CERS3: variants seen among roughly 807,000 people sequenced by gnomAD.
CERS3 encodes the protein ceramide synthase 3, also known as LAG1 homolog, ceramide synthase 3.
A neutral mutation model predicts 50.3 loss-of-function variants in CERS3; 33 were observed. That is an observed-to-expected ratio of 0.66 (90% confidence interval 0.50 to 0.88). The LOEUF (loss-of-function observed/expected upper bound fraction) is 0.88. Ranked by LOEUF, CERS3 falls within the 40% of genes least tolerant of loss-of-function variation. The pLI, the probability that CERS3 is intolerant of heterozygous loss-of-function variation, is 0.00. For missense variants in CERS3, 470 were observed against 460.3 expected, an observed-to-expected ratio of 1.02 and a Z score of -0.19; for synonymous variants, 176 against 155.2, an observed-to-expected ratio of 1.13 and a Z score of -0.99.
At chr15:100,528,704 C>CTCACCA (rs2036864004) in intron 1 of CERS3, 109 bp downstream of exon 1, 1 of 152,466 alleles carries the variant, frequency 6.6e-6, no homozygotes, top group African/African-American at 2.4e-5. Context: ...CTCTCCCTCT[C>CTCACCA]TGTTACGCAC....
intron 3 of CERS3, among the ~76,000 whole-genome samples, chr15:100,495,656 G>A (rs2035789151): frequency 6.6e-6 from 1 of 151,978 alleles, no homozygotes; most frequent in Non-Finnish European, 1.5e-5. Context: ...TGAGTTCTGA[G>A]TTATTTATAT....
At chr15:100,459,693 A>G (rs909351773) in intron 10 of CERS3, among the ~76,000 whole-genome samples, 2 of 152,232 alleles carry the variant, frequency 1.3e-5, no homozygotes, top group Non-Finnish European at 2.9e-5. Context: ...ATATAATGTT[A>G]CACTGCTTTC....
At chr15:100,469,268 C>CA (rs1219551742) in intron 10 of CERS3, 110 bp downstream of exon 10, 2 of 720,376 alleles carry the variant, frequency 2.8e-6, no homozygotes, top group Non-Finnish European at 4.8e-6. Flanking sequence ...GCACTTGACA[C>CA]AAATAACTGG....
Position 100,402,607 on chromosome 15 carries a change from T to C in CERS3, c.*106A>G, listed in dbSNP as rs1400355382. ...TCTTAGGTGGGAGGGAAGGCGGTGGTGAGAAAGAGGGAAGGGCAGAATGTG... is the reference window on the plus strand; with the variant it reads ...TCTTAGGTGGGAGGGAAGGCGGTGGCGAGAAAGAGGGAAGGGCAGAATGTG... On this transcript the variant is annotated 3_prime_UTR_variant, in exon 12 of 12. Transcript: ENST00000679737. 68 of 1,111,678 alleles carry C rather than the reference T, an allele frequency of 6.1e-5. No homozygotes were observed. Among genetic ancestry groups the C allele is most frequent in the Non-Finnish European group, 8.6e-5 (67 of 780,992 alleles). 68.9% of individuals were successfully genotyped at this position (1,111,678 alleles called of 1,614,324 possible).
intron 10 of CERS3, among the ~76,000 whole-genome samples, chr15:100,459,850 A>T (rs185107717): frequency 6.6e-6 from 1 of 152,142 alleles, no homozygotes; most frequent in South Asian, 2.1e-4. Flanking sequence ...ATGTATAGTG[A>T]CTATATATAT....
intron 1 of CERS3, among the ~76,000 whole-genome samples, chr15:100,525,549 C>A (rs1567683381): frequency 6.6e-6 from 1 of 152,186 alleles, no homozygotes; most frequent in Non-Finnish European, 1.5e-5. Flanking sequence ...AGTGATCTAA[C>A]TGAAGCCCAT....
intron 2 of CERS3, among the ~76,000 whole-genome samples, chr15:100,514,063 A>G (rs1010699914): frequency 1.3e-5 from 2 of 152,204 alleles, no homozygotes; most frequent in African/African-American, 4.8e-5. Context: ...TCAGGTCTAA[A>G]GCCTAGTTTT....
chr15:100,484,816 T>C, intron 4 of CERS3, 148 bp from the exon 5 acceptor site: 1 of 639,966 alleles, frequency 1.6e-6, no homozygotes. Flanking sequence ...AATTTACCTC[T>C]TTTGCTTATG....
chr15:100,529,425 G>GT (rs1323974078), upstream of CERS3, among the ~76,000 whole-genome samples: 3 of 152,176 alleles, frequency 2.0e-5, no homozygotes, highest in African/African-American at 7.2e-5. Context: ...AAAACGATCA[G>GT]TTTTTTGAAG....
intron 11 of CERS3, among the ~76,000 whole-genome samples, chr15:100,438,883 G>A (rs1057171656): frequency 6.6e-6 from 1 of 152,198 alleles, no homozygotes; most frequent in Admixed American, 6.5e-5. Flanking sequence ...AGAAAGAAGA[G>A]AATAAAAGCT....
At chr15:100,421,832 G>T (rs2032452544) in intron 11 of CERS3, among the ~76,000 whole-genome samples, 1 of 88,986 alleles carries the variant, frequency 1.1e-5, no homozygotes, top group Non-Finnish European at 2.4e-5. Flanking sequence ...AAGCAATGGG[G>T]AAAGGATTCC....
chr15:100,418,116 G>C (rs2032107655), intron 11 of CERS3, among the ~76,000 whole-genome samples: 1 of 152,040 alleles, frequency 6.6e-6, no homozygotes. Flanking sequence ...GAAGGCTTCA[G>C]ACGATCAAAT....
At chr15:100,412,060 G>C (rs942272758) in intron 11 of CERS3, among the ~76,000 whole-genome samples, 11 of 151,852 alleles carry the variant, frequency 7.2e-5, no homozygotes, top group Non-Finnish European at 1.5e-5. Flanking sequence ...TCATTTTGTG[G>C]GTTACCTTTA....
intron 3 of CERS3, among the ~76,000 whole-genome samples, chr15:100,494,329 G>A (rs2035747970): frequency 6.7e-6 from 1 of 148,154 alleles, no homozygotes; most frequent in South Asian, 2.1e-4. Context: ...CTCACTGCAA[G>A]CTCCACCTCC....
At chr15:100,453,649 G>A (rs74697991) in intron 11 of CERS3, among the ~76,000 whole-genome samples, 4,002 of 152,264 alleles carry the variant, frequency 0.026, 195 homozygotes, top group African/African-American at 0.09. Flanking sequence ...ATTAAAGTCA[G>A]AGCAATCAGG....
intron 11 of CERS3, among the ~76,000 whole-genome samples, chr15:100,405,991 T>C (rs1467621294): frequency 6.6e-6 from 1 of 152,252 alleles, no homozygotes; most frequent in African/African-American, 2.4e-5. Flanking sequence ...ATGCAAGAAC[T>C]CTTTCAAGGA....
intron 3 of CERS3, chr15:100,500,486 C>A (rs2142325962): frequency 6.6e-6 from 1 of 152,212 alleles, no homozygotes; most frequent in Non-Finnish European, 1.5e-5. Flanking sequence ...ATGGAGCTGT[C>A]CACCAAAAAG....
intron 2 of CERS3, among the ~76,000 whole-genome samples, chr15:100,514,862 A>G (rs970028255): frequency 6.6e-6 from 1 of 152,254 alleles, no homozygotes. Flanking sequence ...TTAAACTTTT[A>G]AAATATTGTT....
At chr15:100,523,700 CAAAA>C (rs34875423) in intron 1 of CERS3, among the ~76,000 whole-genome samples, 13 of 51,498 alleles carry the variant, frequency 2.5e-4, no homozygotes, top group African/African-American at 6.9e-4. Context: ...GACTCCATCT[CAAAA>C]AAAAAAAAAA....
Sources: gnomAD v4.1 joint callset for allele counts (sites outside exome capture counted in the v4.1 genomes callset) on GRCh38, gnomAD v4.1.1 for gene constraint, MANE v1.5 for transcripts, NCBI Gene and HGNC (gene_info 2026-07-23, HGNC 2026-07-21) for gene names.